Variants in NXPE4 observed in about 807,000 individuals in gnomAD.
NXPE4 encodes NXPE family member 4.
NXPE4 carries 42 observed loss-of-function variants against 33.3 expected under a neutral mutation model. The observed-to-expected ratio is 1.26, with a 90% CI of 0.98 to 1.63. The LOEUF (loss-of-function observed/expected upper bound fraction) is 1.63, where lower values mean the gene tolerates loss of function less well. Among genes scored for constraint, NXPE4 ranks in the 40% most tolerant of loss-of-function variants. The probability of loss-of-function intolerance (pLI) is 0.00; values close to 1 mark genes in which losing one functional copy is unlikely to be tolerated. For synonymous variants in NXPE4, 253 were observed against 234.9 expected, an observed-to-expected ratio of 1.08 and a Z score of -0.71; for missense variants, 709 against 647.6, an observed-to-expected ratio of 1.09 and a Z score of -1.03.
At chr11:114,622,870 C>A in the NXPE4 span, among the ~76,000 whole-genome samples, 1 of 150,980 alleles carries the variant, frequency 6.6e-6, no homozygotes, top group East Asian at 2.0e-4. Flanking sequence ...CACTGTTAAC[C>A]AGTTGATAAT....
At chr11:114,645,255 C>G in the NXPE4 span, among the ~76,000 whole-genome samples, 1 of 152,042 alleles carries the variant, frequency 6.6e-6, no homozygotes, top group South Asian at 2.1e-4. Flanking sequence ...GAGCTGAGAT[C>G]ATGTCACTGC....
the NXPE4 span, among the ~76,000 whole-genome samples, chr11:114,638,678 TAACA>T: frequency 3.3e-5 from 5 of 152,130 alleles, no homozygotes; most frequent in African/African-American, 1.2e-4. Flanking sequence ...GTTTTCTTTC[TAACA>T]GACAGGACCG....
At chr11:114,613,942 T>C in the NXPE4 span, among the ~76,000 whole-genome samples, 1 of 148,824 alleles carries the variant, frequency 6.7e-6, no homozygotes, top group Non-Finnish European at 1.5e-5. Context: ...GTATTGCCTC[T>C]AGGGTAATCA....
chr11:114,617,165 G>T, the NXPE4 span, among the ~76,000 whole-genome samples: 22 of 151,976 alleles, frequency 1.4e-4, no homozygotes, highest in East Asian at 2.3e-3. Flanking sequence ...GGTAACCATT[G>T]TTACCCAGTG....
At chr11:114,604,532 A>G in the NXPE4 span, among the ~76,000 whole-genome samples, 2 of 152,032 alleles carry the variant, frequency 1.3e-5, no homozygotes, top group African/African-American at 2.4e-5. Context: ...CTGGTAAATA[A>G]TAAGTATTTC....
intron 5 of NXPE4, among the ~76,000 whole-genome samples, chr11:114,577,161 C>CATATATAT (rs373459330): frequency 3.4e-4 from 46 of 134,572 alleles, no homozygotes; most frequent in African/African-American, 9.6e-4. Context: ...ATATATGTGT[C>CATATATAT]ATATATATAT....
At chr11:114,639,831 T>TTATATTAAAGATAAAATATAATA in the NXPE4 span, among the ~76,000 whole-genome samples, 1 of 107,986 alleles carries the variant, frequency 9.3e-6, no homozygotes, top group Non-Finnish European at 1.7e-5. Flanking sequence ...ATAATATATA[T>TTATATTAAAGATAAAATATAATA]TATATTAAAT....
At chr11:114,638,501 C>G in the NXPE4 span, among the ~76,000 whole-genome samples, 3 of 152,042 alleles carry the variant, frequency 2.0e-5, no homozygotes, top group Admixed American at 6.6e-5. Flanking sequence ...TGTTCCATTG[C>G]TGGTGAGGAA....
At chr11:114,675,827 T>C in the NXPE4 span, among the ~76,000 whole-genome samples, 3 of 151,894 alleles carry the variant, frequency 2.0e-5, no homozygotes, top group Non-Finnish European at 4.4e-5. Flanking sequence ...GCTGGAAATA[T>C]TAAACTACCT....
At chr11:114,631,755 C>T in the NXPE4 span, among the ~76,000 whole-genome samples, 13 of 151,576 alleles carry the variant, frequency 8.6e-5, no homozygotes, top group East Asian at 1.9e-4. Flanking sequence ...CACTGTCACC[C>T]GGTGGATAAT....
chr11:114,581,669 A>G (rs1268925172), intron 4 of NXPE4, 56 bp downstream of exon 4: 1 of 1,359,360 alleles, frequency 7.4e-7, no homozygotes, highest in Non-Finnish European at 1.0e-6. Context: ...AGAAAGAAGA[A>G]ACCCTTTAAA....
At chr11:114,618,053 C>A in the NXPE4 span, among the ~76,000 whole-genome samples, 1 of 151,808 alleles carries the variant, frequency 6.6e-6, no homozygotes. Context: ...AACTCTTACC[C>A]TGTGGATAAT....
intron 2 of NXPE4, chr11:114,583,298 G>T: frequency 1.6e-6 from 1 of 640,508 alleles, no homozygotes; most frequent in Non-Finnish European, 2.9e-6. Context: ...TTACTACTAC[G>T]ATAGGGGTGT....
chr11:114,638,762 G>A, the NXPE4 span, among the ~76,000 whole-genome samples: 1 of 152,042 alleles, frequency 6.6e-6, no homozygotes. Flanking sequence ...AACAGCAGCA[G>A]TGTCTGCAGA....
the NXPE4 span, among the ~76,000 whole-genome samples, chr11:114,609,838 T>G: frequency 6.6e-6 from 1 of 151,828 alleles, no homozygotes; most frequent in South Asian, 2.1e-4. Flanking sequence ...GGTAACCCGA[T>G]GGATAATAAC....
the NXPE4 span, among the ~76,000 whole-genome samples, chr11:114,614,231 G>A: frequency 2.0e-5 from 3 of 151,906 alleles, no homozygotes; most frequent in Non-Finnish European, 4.4e-5. Flanking sequence ...GTTGCCTCGT[G>A]GGTAACCACT....
At chr11:114,639,056 C>A in the NXPE4 span, among the ~76,000 whole-genome samples, 3 of 152,098 alleles carry the variant, frequency 2.0e-5, no homozygotes, top group African/African-American at 7.2e-5. Context: ...TTTGTCTGTG[C>A]CCTGCCCCCA....
At chr11:114,660,780 C>T in the NXPE4 span, among the ~76,000 whole-genome samples, 1 of 151,948 alleles carries the variant, frequency 6.6e-6, no homozygotes, top group Non-Finnish European at 1.5e-5. Context: ...AAAGGCATAC[C>T]ATTTGGATAA....
At chr11:114,677,095 C>T in the NXPE4 span, among the ~76,000 whole-genome samples, 1 of 151,912 alleles carries the variant, frequency 6.6e-6, no homozygotes, top group Non-Finnish European at 1.5e-5. Context: ...AGAGTAGAAT[C>T]GTGGTTGCTG....
Sources: gnomAD v4.1 joint callset for allele counts (sites outside exome capture counted in the v4.1 genomes callset) on GRCh38, gnomAD v4.1.1 for gene constraint, MANE v1.5 for transcripts, NCBI Gene and HGNC (gene_info 2026-07-23, HGNC 2026-07-21) for gene names.